SQOR: variants seen among roughly 807,000 people sequenced by gnomAD.
SQOR encodes sulfide quinone oxidoreductase.
In SQOR, 39 loss-of-function variants were observed where a neutral mutation model predicts 48.6. The ratio of observed to expected loss-of-function variants is 0.80; its 90% CI spans 0.62 to 1.05. The LOEUF (loss-of-function observed/expected upper bound fraction) is 1.05. SQOR is among the 50% of genes least tolerant of loss of function. The probability of loss-of-function intolerance (pLI) is 0.00; values close to 1 mark genes in which losing one functional copy is unlikely to be tolerated. For missense variants in SQOR, 561 were observed against 559.9 expected, an observed-to-expected ratio of 1.00 and a Z score of -0.02; for synonymous variants, 220 against 206.2, an observed-to-expected ratio of 1.07 and a Z score of -0.57.
chr15:45,653,126 A>G (rs1281944965), intron 1 of SQOR, among the ~76,000 whole-genome samples: 1 of 152,154 alleles, frequency 6.6e-6, no homozygotes, highest in Non-Finnish European at 1.5e-5. Context: ...TCTCTTTTTC[A>G]ATACCAATCA....
intron 9 of SQOR, 200 bp downstream of exon 9, chr15:45,689,417 C>T (rs1204851250): frequency 4.7e-5 from 12 of 254,844 alleles, no homozygotes; most frequent in East Asian, 1.7e-4. Context: ...TGCTACCTTA[C>T]TTTTTTTTTT....
intron 1 of SQOR, among the ~76,000 whole-genome samples, chr15:45,653,601 G>C (rs1408047047): frequency 6.6e-6 from 1 of 152,146 alleles, no homozygotes; most frequent in Non-Finnish European, 1.5e-5. Context: ...CAAGGTTAGA[G>C]GTGGGGCTGA....
chr15:45,684,587 G>A (rs1646372763), intron 7 of SQOR, among the ~76,000 whole-genome samples: 2 of 125,498 alleles, frequency 1.6e-5, no homozygotes, highest in South Asian at 6.2e-4. Context: ...CTGGGTTAAG[G>A]GGTGTTCTCT....
At chr15:45,669,126 A>G (rs1004718093) in intron 3 of SQOR, among the ~76,000 whole-genome samples, 4 of 149,554 alleles carry the variant, frequency 2.7e-5, no homozygotes, top group African/African-American at 9.7e-5. Context: ...TATTTTTAAT[A>G]TACAATATAC....
intron 1 of SQOR, among the ~76,000 whole-genome samples, chr15:45,651,245 G>A (rs1188500798): frequency 1.3e-5 from 2 of 152,208 alleles, no homozygotes; most frequent in Non-Finnish European, 2.9e-5. Flanking sequence ...GCAGCTGCTG[G>A]CCCGTGCTAA....
intron 1 of SQOR, among the ~76,000 whole-genome samples, chr15:45,645,550 G>T (rs575808288): frequency 3.0e-4 from 46 of 152,326 alleles, no homozygotes; most frequent in African/African-American, 1.0e-3. Flanking sequence ...ACAAAAAGGC[G>T]AACACTCCCG....
In SQOR at chr15:45,661,230, C is replaced by T. The variant is rs569300213; in HGVS notation, c.235-725C>T. Among the ~76,000 whole-genome samples the T allele has an allele frequency of 1.2e-4, 16 of 137,204 alleles. No individual in the cohort carries two copies. The East Asian group carries it at 2.5e-3, about 21-fold the overall frequency. The allele number at this position is 137,204 out of a possible 152,430, so 90.0% of individuals were successfully genotyped here. On this transcript the variant is annotated intron_variant, in intron 2 of 9. Transcript: ENST00000260324. ...CTGGGAGGTGGAGGTTGCAGTGAGC[C>T]GAGATCGTGCCACTGCACTCCAGCC...
At chr15:45,682,214 T>C (rs911692607) in intron 6 of SQOR, among the ~76,000 whole-genome samples, 4 of 152,214 alleles carry the variant, frequency 2.6e-5, no homozygotes, top group African/African-American at 9.7e-5. Flanking sequence ...CAATATCTCA[T>C]GTACCCGTAC....
chr15:45,683,863 T>G (rs1036668335), intron 7 of SQOR, among the ~76,000 whole-genome samples: 1 of 151,006 alleles, frequency 6.6e-6, no homozygotes, highest in Admixed American at 6.6e-5. Flanking sequence ...TATGTGTGTG[T>G]GTGTGTGTGT....
chr15:45,674,150 C>T (rs1272684871), intron 5 of SQOR: 5 of 236,902 alleles, frequency 2.1e-5, no homozygotes, highest in Admixed American at 5.2e-5. Flanking sequence ...TAAAAGTCTA[C>T]TGGATGCTGG....
At chr15:45,641,269 A>G (rs1171105793) in intron 1 of SQOR, among the ~76,000 whole-genome samples, 1 of 152,188 alleles carries the variant, frequency 6.6e-6, no homozygotes, top group East Asian at 1.9e-4. Flanking sequence ...TTTGTAGGAA[A>G]TTTCTCAGGA....
At chr15:45,666,752 C>G (rs1359067850) in intron 3 of SQOR, among the ~76,000 whole-genome samples, 1 of 95,574 alleles carries the variant, frequency 1.0e-5, no homozygotes, top group Non-Finnish European at 2.2e-5. Context: ...CTCCTCTCCT[C>G]TCTCCTCCCC....
At chr15:45,679,820 A>G (rs1383272152) in intron 6 of SQOR, among the ~76,000 whole-genome samples, 7 of 152,202 alleles carry the variant, frequency 4.6e-5, no homozygotes, top group Non-Finnish European at 1.0e-4. Context: ...TATCAGAATC[A>G]CTAGCAGATT....
At chr15:45,649,150 CT>C (rs1287303662) in intron 1 of SQOR, among the ~76,000 whole-genome samples, 1 of 152,198 alleles carries the variant, frequency 6.6e-6, no homozygotes, top group Non-Finnish European at 1.5e-5. Context: ...CACAGGCAGT[CT>C]GTATTGCTTG....
At chr15:45,647,211 C>T (rs571351965) in intron 1 of SQOR, among the ~76,000 whole-genome samples, 14 of 151,866 alleles carry the variant, frequency 9.2e-5, no homozygotes, top group East Asian at 3.9e-4. Flanking sequence ...ATCATGCCAC[C>T]GCACTCCAGT....
At chr15:45,633,360 G>T (rs1392592999), upstream of SQOR, among the ~76,000 whole-genome samples, 1 of 152,152 alleles carries the variant, frequency 6.6e-6, no homozygotes, top group Non-Finnish European at 1.5e-5. Context: ...AGTATACTTT[G>T]TTTTGTTCAG....
At chr15:45,633,112 G>C (rs192075753), upstream of SQOR, among the ~76,000 whole-genome samples, 147 of 150,738 alleles carry the variant, frequency 9.8e-4, no homozygotes, top group African/African-American at 3.5e-3. Flanking sequence ...AGCAGAGTGA[G>C]ACCCTGTCTC....
At chr15:45,675,417 C>T (rs1207161697) in intron 5 of SQOR, among the ~76,000 whole-genome samples, 5 of 146,352 alleles carry the variant, frequency 3.4e-5, no homozygotes, top group African/African-American at 9.9e-5. Context: ...TTTTTGGAGA[C>T]AGAATTTTGC....
intron 6 of SQOR, among the ~76,000 whole-genome samples, chr15:45,680,083 TTTTC>T (rs140017801): frequency 0.017 from 2,561 of 152,242 alleles, 47 homozygotes; most frequent in East Asian, 0.073. Context: ...TTGTTTGTTT[TTTTC>T]TTTCTTTCTT....
Sources: allele counts gnomAD v4.1 joint callset (sites outside exome capture counted in the v4.1 genomes callset), GRCh38; gene constraint gnomAD v4.1.1; transcripts MANE v1.5; gene names NCBI Gene and HGNC (gene_info 2026-07-23, HGNC 2026-07-21).